RNF150: variants seen among roughly 807,000 people sequenced by gnomAD.
RNF150 encodes the protein ring finger protein 150.
RNF150 carries 24 observed loss-of-function variants against 39.3 expected under a neutral mutation model. The ratio of observed to expected loss-of-function variants is 0.61; its 90% CI spans 0.44 to 0.86. The LOEUF is 0.86. Among genes scored for constraint, RNF150 ranks in the 40% least tolerant of loss-of-function variants. The pLI is 0.00. For missense variants in RNF150, 502 were observed against 587.8 expected (o/e 0.85, Z 1.51); for synonymous variants, 255 against 227.3 (o/e 1.12, Z -1.10).
intron 1 of RNF150, among the ~76,000 whole-genome samples, chr4:141,105,583 A>AT (rs950797119): frequency 4.6e-5 from 7 of 152,060 alleles, no homozygotes; most frequent in African/African-American, 1.7e-4. Flanking sequence ...CTCCATCCTC[A>AT]TATCAGAGCC....
chr4:140,926,105 G>A lies in RNF150; in HGVS notation c.891-32C>T, dbSNP rs370313152. On this transcript the variant is annotated intron_variant, in intron 4 of 6. Transcript: ENST00000515673. ...TGAGAACCATACATCTTAGAGCGGC[G>A]GTAACTGCAGAGAATACCTGGTCCA... 38 of 1,484,450 alleles carry A rather than the reference G, an allele frequency of 2.6e-5. No homozygotes were observed. In the African/African-American group the frequency reaches 2.9e-4, roughly 11 times the overall value. 92.0% of individuals were successfully genotyped at this position (1,484,450 alleles called of 1,614,324 possible).
intron 2 of RNF150, among the ~76,000 whole-genome samples, chr4:140,952,406 C>A (rs1045418967): frequency 5.3e-5 from 8 of 152,034 alleles, no homozygotes; most frequent in Admixed American, 5.2e-4. Flanking sequence ...TGAAATATGC[C>A]CTTCTTAAAT....
intron 1 of RNF150, among the ~76,000 whole-genome samples, chr4:141,174,871 TG>T (rs1487074593): frequency 6.9e-6 from 1 of 144,140 alleles, no homozygotes; most frequent in Non-Finnish European, 1.5e-5. Context: ...AGTGGTTACC[TG>T]GAATCCTGTA....
chr4:141,133,144 G>T lies in RNF150; in HGVS notation c.-336C>A. The T allele has an allele frequency of 3.6e-6, 1 of 274,484 alleles. No homozygotes were observed. Among genetic ancestry groups the T allele is most frequent in the Non-Finnish European group, 6.9e-6 (1 of 145,024 alleles). 17.0% of individuals were successfully genotyped at this position (274,484 alleles called of 1,614,324 possible). Reference sequence around the variant, plus strand: ...CCCGGCTTCGCCTTCTCTCATAAGGGTGGCCGGGGGCCCACGAACTTGCAG... The same window carrying T: ...CCCGGCTTCGCCTTCTCTCATAAGGTTGGCCGGGGGCCCACGAACTTGCAG... On this transcript the variant is annotated 5_prime_UTR_variant, in exon 1 of 7. Coordinates refer to ENST00000515673, the MANE Select transcript of RNF150 (RefSeq NM_020724.2).
At chr4:141,018,677 G>A (rs1382784225) in intron 1 of RNF150, among the ~76,000 whole-genome samples, 2 of 152,058 alleles carry the variant, frequency 1.3e-5, no homozygotes, top group Non-Finnish European at 2.9e-5. Context: ...GATCCAGGAG[G>A]CCCAGAGGAT....
At chr4:141,050,296 G>A (rs1158535700) in intron 1 of RNF150, among the ~76,000 whole-genome samples, 2 of 151,972 alleles carry the variant, frequency 1.3e-5, no homozygotes, top group Non-Finnish European at 2.9e-5. Context: ...TTTGGGCAGG[G>A]ACAAAAGCAA....
At position 141,155,977 on chromosome 4, in the gene RNF150, TC is replaced by T. The variant is rs1208073010; in HGVS notation, c.-6+56816del. On this transcript the variant is annotated intron_variant, in intron 1 of 7. Transcript: ENST00000420921. The stretch of plus-strand genomic sequence containing the variant: ...AAAAGTAGGTGAGCCTGACCTTCCA[TC>T]CCATCATGGCTGGAAGGAGGAGGAA... Among the ~76,000 whole-genome samples the T allele has an allele frequency of 2.7e-5, 4 of 150,658 alleles. No homozygotes were observed. In the East Asian group the frequency reaches 7.9e-4, roughly 30 times the overall value.
intron 1 of RNF150, among the ~76,000 whole-genome samples, chr4:140,991,567 A>G (rs1033529183): frequency 1.3e-5 from 2 of 152,102 alleles, no homozygotes; most frequent in Non-Finnish European, 2.9e-5. Context: ...GAGCCTCAGA[A>G]CCATGCCAAC....
At chr4:140,908,584 C>G (rs1174513728) in intron 6 of RNF150, among the ~76,000 whole-genome samples, 1 of 152,126 alleles carries the variant, frequency 6.6e-6, no homozygotes. Flanking sequence ...AAGGTCTCCA[C>G]TTCAAGCTTA....
intron 1 of RNF150, among the ~76,000 whole-genome samples, chr4:141,149,148 A>G (rs576152322): frequency 3.3e-5 from 5 of 152,366 alleles, no homozygotes; most frequent in African/African-American, 1.2e-4. Flanking sequence ...TTCAAGAATC[A>G]TCAAAAAATA....
chr4:141,021,060 G>T (rs562088042), intron 1 of RNF150, among the ~76,000 whole-genome samples: 1 of 152,266 alleles, frequency 6.6e-6, no homozygotes, highest in South Asian at 2.1e-4. Context: ...GCTAACTGGA[G>T]GTCAGAGGAT....
chr4:141,194,460 T>G (rs1728165744), intron 1 of RNF150, among the ~76,000 whole-genome samples: 1 of 152,210 alleles, frequency 6.6e-6, no homozygotes, highest in Admixed American at 6.5e-5. Flanking sequence ...CATATAGAAT[T>G]CTTGCCTTGT....
chr4:140,980,813 C>T (rs1229887775), intron 1 of RNF150, among the ~76,000 whole-genome samples: 1 of 152,110 alleles, frequency 6.6e-6, no homozygotes, highest in Non-Finnish European at 1.5e-5. Context: ...TTATAAATTA[C>T]CAGTCTCAGG....
chr4:141,122,351 G>C (rs2111088818), intron 1 of RNF150, among the ~76,000 whole-genome samples: 1 of 152,328 alleles, frequency 6.6e-6, no homozygotes, highest in Non-Finnish European at 1.5e-5. Flanking sequence ...AAATAGTGTA[G>C]CTTGGAGCAA....
At chr4:140,903,018 G>A (rs1477881238) in intron 6 of RNF150, among the ~76,000 whole-genome samples, 2 of 152,224 alleles carry the variant, frequency 1.3e-5, no homozygotes, top group Admixed American at 1.3e-4. Context: ...AAGTGAGGAT[G>A]CAAGACCTTG....
At chr4:140,971,407 G>A (rs1015578153) in intron 1 of RNF150, among the ~76,000 whole-genome samples, 1 of 152,074 alleles carries the variant, frequency 6.6e-6, no homozygotes, top group African/African-American at 2.4e-5. Flanking sequence ...TAGCATATTT[G>A]GTATGGGAAA....
intron 1 of RNF150, among the ~76,000 whole-genome samples, chr4:141,178,446 A>G (rs1437335758): frequency 1.3e-5 from 2 of 152,208 alleles, no homozygotes; most frequent in Non-Finnish European, 2.9e-5. Flanking sequence ...TTCCGATTCA[A>G]AGAAGTTGAG....
intron 1 of RNF150, among the ~76,000 whole-genome samples, chr4:141,015,745 T>C (rs919204943): frequency 1.3e-5 from 2 of 152,192 alleles, no homozygotes; most frequent in African/African-American, 4.8e-5. Flanking sequence ...ATTTTACTTT[T>C]TTCTCTTACC....
At chr4:141,062,790 C>T (rs916970677) in intron 1 of RNF150, among the ~76,000 whole-genome samples, 3 of 152,144 alleles carry the variant, frequency 2.0e-5, no homozygotes, top group Admixed American at 1.3e-4. Flanking sequence ...GCAATGAGCA[C>T]CGTACCCAAC....
Sources: gnomAD v4.1 joint callset for allele counts (sites outside exome capture counted in the v4.1 genomes callset) on GRCh38, gnomAD v4.1.1 for gene constraint, MANE v1.5 for transcripts, NCBI Gene and HGNC (gene_info 2026-07-23, HGNC 2026-07-21) for gene names.